PCDH15: variants seen among roughly 807,000 people sequenced by gnomAD.
The protein encoded by PCDH15 is protocadherin related 15, also known as protocadherin-15.
A neutral mutation model predicts 178.5 loss-of-function variants in PCDH15; 129 were observed. That is an observed-to-expected ratio of 0.72 (90% CI 0.63 to 0.84). The LOEUF (loss-of-function observed/expected upper bound fraction) is 0.84. Among genes scored for constraint, PCDH15 ranks in the 40% least tolerant of loss-of-function variants. PCDH15 has a pLI of 0.00. For synonymous variants in PCDH15, 800 were observed against 732.0 expected, an observed-to-expected ratio of 1.09 and a Z score of -1.50; for missense variants, 2,230 against 2,099.9, an observed-to-expected ratio of 1.06 and a Z score of -1.21.
intron 2 of PCDH15, among the ~76,000 whole-genome samples, chr10:54,954,392 A>G (rs974070644): frequency 6.6e-6 from 1 of 151,164 alleles, no homozygotes; most frequent in African/African-American, 2.4e-5. Flanking sequence ...CCATCTTCTC[A>G]TCTCTATTGA....
At chr10:54,936,183 A>T (rs1837902995) in intron 2 of PCDH15, among the ~76,000 whole-genome samples, 1 of 151,932 alleles carries the variant, frequency 6.6e-6, no homozygotes, top group Non-Finnish European at 1.5e-5. Flanking sequence ...TTAGTGTAAT[A>T]TTTTCAATAT....
At chr10:53,975,848 G>A (rs2090141129) in intron 21 of PCDH15, among the ~76,000 whole-genome samples, 3 of 152,148 alleles carry the variant, frequency 2.0e-5, no homozygotes, top group South Asian at 4.1e-4. Flanking sequence ...CGTGCCAAGA[G>A]CAATGTCTAG....
intron 2 of PCDH15, among the ~76,000 whole-genome samples, chr10:54,968,357 T>C (rs555527698): frequency 2.0e-5 from 3 of 152,310 alleles, no homozygotes; most frequent in African/African-American, 7.2e-5. Flanking sequence ...TATAATTTCA[T>C]ATCCTTTTAT....
intron 21 of PCDH15, among the ~76,000 whole-genome samples, chr10:53,993,782 T>C (rs747889586): frequency 1.3e-5 from 2 of 152,116 alleles, no homozygotes; most frequent in African/African-American, 2.4e-5. Context: ...TTTGCAACAA[T>C]GATTCAAAAG....
chr10:54,476,544 A>G (rs117614195), intron 3 of PCDH15, among the ~76,000 whole-genome samples: 501 of 152,226 alleles, frequency 3.3e-3, no homozygotes, highest in Admixed American at 5.4e-3. Context: ...ATATGCATGT[A>G]TGTATACTGG....
intron 2 of PCDH15, among the ~76,000 whole-genome samples, chr10:54,992,760 A>G (rs1591823916): frequency 2.9e-5 from 2 of 69,112 alleles, no homozygotes; most frequent in African/African-American, 1.1e-4. Context: ...ATCTCAAGAA[A>G]AAAAAAAAAA....
chr10:55,095,330 A>C lies in PCDH15; in HGVS notation c.-80+71246T>G, dbSNP rs186389453. On this transcript the variant is annotated intron_variant, in intron 2 of 5. Transcript: ENST00000458638. ...CATACTTATCTTAAATATATTAAAA[A>C]ATAAAATTAAAGTGTTAAATATATT... is the stretch of plus-strand genomic sequence containing the variant. Among the ~76,000 whole-genome samples the C allele has an allele frequency of 4.7e-4, 71 of 152,108 alleles. No individual in the cohort carries two copies. In the East Asian group the frequency reaches 0.014, roughly 29 times the overall value.
At chr10:53,877,300 T>A (rs190863763) in intron 26 of PCDH15, among the ~76,000 whole-genome samples, 172 of 152,290 alleles carry the variant, frequency 1.1e-3, no homozygotes, top group African/African-American at 4.1e-3. Flanking sequence ...TTGTTCTAAC[T>A]TTTCAACCAT....
At chr10:54,317,899 T>C (rs369389999) in intron 7 of PCDH15, among the ~76,000 whole-genome samples, 25 of 152,176 alleles carry the variant, frequency 1.6e-4, no homozygotes, top group African/African-American at 6.0e-4. Context: ...TAAACTGAGA[T>C]CCAATTGTCT....
intron 1 of PCDH15, among the ~76,000 whole-genome samples, chr10:54,776,879 T>C (rs1591574946): frequency 6.6e-6 from 1 of 152,028 alleles, no homozygotes; most frequent in South Asian, 2.1e-4. Flanking sequence ...CTGGAGGCAA[T>C]GTGAGAAATA....
At chr10:54,802,419 A>G (rs2133715581), upstream of PCDH15, among the ~76,000 whole-genome samples, 1 of 152,300 alleles carries the variant, frequency 6.6e-6, no homozygotes, top group South Asian at 2.1e-4. Flanking sequence ...AAATCAGATA[A>G]TTATAGATGA....
At chr10:54,192,641 A>T (rs1371882810) in intron 11 of PCDH15, among the ~76,000 whole-genome samples, 3 of 152,144 alleles carry the variant, frequency 2.0e-5, no homozygotes, top group African/African-American at 7.2e-5. Context: ...TATTTTATAT[A>T]TAGAAACTAC....
At chr10:54,001,169 G>C (rs774404908) in intron 20 of PCDH15, among the ~76,000 whole-genome samples, 1 of 152,042 alleles carries the variant, frequency 6.6e-6, no homozygotes, top group African/African-American at 2.4e-5. Context: ...CACCAGACCT[G>C]TCCTATAAGA....
At chr10:55,041,443 G>T in intron 2 of PCDH15, among the ~76,000 whole-genome samples, 1 of 152,210 alleles carries the variant, frequency 6.6e-6, no homozygotes, top group Admixed American at 6.6e-5. Context: ...AACTGAAATT[G>T]CATTGGTTAA....
At position 54,762,298 on chromosome 10, in the gene PCDH15, G is replaced by A. The variant is rs373032296; in HGVS notation, c.-29+38627C>T. ...AAGAAAAAATTTGCTGGAGATATTAGCAGAACATGTCGTACTTAAAAAAAT... is the reference window on the plus strand; with the variant it reads ...AAGAAAAAATTTGCTGGAGATATTAACAGAACATGTCGTACTTAAAAAAAT... On this transcript the variant is annotated intron_variant, in intron 1 of 37. Coordinates refer to ENST00000644397, the MANE Select transcript of PCDH15 (RefSeq NM_001384140.1). 4.6e-5 allele frequency among the ~76,000 whole-genome samples: 7 copies of A among 152,182 alleles called. No individual in the cohort carries two copies. The South Asian group carries it at 1.5e-3, about 32-fold the overall frequency.
intron 15 of PCDH15, among the ~76,000 whole-genome samples, chr10:54,105,798 A>G (rs2094907554): frequency 6.6e-6 from 1 of 152,180 alleles, no homozygotes; most frequent in Admixed American, 6.5e-5. Context: ...TTTCTGCTCA[A>G]GAGAAATGAA....
At chr10:55,388,898 C>T (rs1326562737) in intron 2 of PCDH15, among the ~76,000 whole-genome samples, 1 of 151,964 alleles carries the variant, frequency 6.6e-6, no homozygotes, top group Non-Finnish European at 1.5e-5. Context: ...AATTTGCAAG[C>T]CATATTGGGG....
At chr10:54,860,423 T>C (rs935398420) in intron 3 of PCDH15, among the ~76,000 whole-genome samples, 11 of 152,192 alleles carry the variant, frequency 7.2e-5, no homozygotes, top group Admixed American at 6.5e-4. Flanking sequence ...GTTCCTGCAT[T>C]CGTTAGCTTA....
intron 14 of PCDH15, among the ~76,000 whole-genome samples, chr10:54,145,770 C>T (rs149090066): frequency 1.3e-5 from 2 of 152,150 alleles, no homozygotes; most frequent in Non-Finnish European, 2.9e-5. Flanking sequence ...AGGTGGGACT[C>T]ATGGGCTATA....
Sources: allele counts gnomAD v4.1 joint callset (sites outside exome capture counted in the v4.1 genomes callset), GRCh38; gene constraint gnomAD v4.1.1; transcripts MANE v1.5; gene names NCBI Gene and HGNC (gene_info 2026-07-23, HGNC 2026-07-21).